The following ADGRL2 variants were observed in gnomAD, a reference collection of about 807,000 sequenced individuals.
ADGRL2 encodes the protein calcium-independent alpha-latrotoxin receptor 2.
ADGRL2 carries 44 observed loss-of-function variants against 157.4 expected under a neutral mutation model. That is an observed-to-expected ratio of 0.28 (90% CI 0.22 to 0.36). The LOEUF (loss-of-function observed/expected upper bound fraction) is 0.36. ADGRL2 is among the 10% of genes least tolerant of loss of function. The probability of loss-of-function intolerance (pLI) is 1.00; values close to 1 mark genes in which losing one functional copy is unlikely to be tolerated. For synonymous variants in ADGRL2, 585 were observed against 624.7 expected, an observed-to-expected ratio of 0.94 and a Z score of 0.95; for missense variants, 1,510 against 1,768.9, an observed-to-expected ratio of 0.85 and a Z score of 2.63.
At chr1:81,498,412 G>A (rs1447202291) in intron 2 of ADGRL2, among the ~76,000 whole-genome samples, 1 of 152,056 alleles carries the variant, frequency 6.6e-6, no homozygotes, top group Non-Finnish European at 1.5e-5. Flanking sequence ...CAAGAATCTG[G>A]CAAGCATTCA....
At chr1:81,530,874 G>A (rs1329489330) in intron 2 of ADGRL2, among the ~76,000 whole-genome samples, 1 of 151,940 alleles carries the variant, frequency 6.6e-6, no homozygotes, top group Non-Finnish European at 1.5e-5. Context: ...CACGAGGTCG[G>A]GAGTTCGAGA....
intron 1 of ADGRL2, among the ~76,000 whole-genome samples, chr1:81,330,379 G>A (rs1661190092): frequency 6.6e-6 from 1 of 152,054 alleles, no homozygotes; most frequent in African/African-American, 2.4e-5. Flanking sequence ...AGAAAAGCAA[G>A]GTCACACATT....
chr1:81,423,786 T>G (rs1359567761), intron 1 of ADGRL2, among the ~76,000 whole-genome samples: 1 of 152,158 alleles, frequency 6.6e-6, no homozygotes, highest in African/African-American at 2.4e-5. Flanking sequence ...TAAGATGAAT[T>G]TCATCACAGA....
At chr1:81,369,646 C>CT (rs2076127848) in intron 1 of ADGRL2, among the ~76,000 whole-genome samples, 1 of 152,098 alleles carries the variant, frequency 6.6e-6, no homozygotes, top group Middle Eastern at 3.4e-3. Flanking sequence ...GCCATGTATA[C>CT]TTTTTTCATG....
At chr1:81,820,579 A>C (rs754679576) in intron 1 of ADGRL2, among the ~76,000 whole-genome samples, 12 of 151,170 alleles carry the variant, frequency 7.9e-5, no homozygotes, top group Non-Finnish European at 1.5e-4. Flanking sequence ...TCTTTTTTTC[A>C]ATGCTGCTCA....
chr1:81,383,418 G>C (rs1254570115), intron 1 of ADGRL2, among the ~76,000 whole-genome samples: 2 of 152,036 alleles, frequency 1.3e-5, no homozygotes, highest in Non-Finnish European at 2.9e-5. Context: ...GGAATAGATA[G>C]AGAGAGAAAG....
intron 17 of ADGRL2, among the ~76,000 whole-genome samples, chr1:81,978,817 G>A (rs1162803989): frequency 6.6e-6 from 1 of 151,604 alleles, no homozygotes; most frequent in African/African-American, 2.4e-5. Context: ...TCTGCAACAA[G>A]GAATTAAATT....
chr1:81,532,995 C>G (rs1179062252), intron 2 of ADGRL2, among the ~76,000 whole-genome samples: 3 of 151,436 alleles, frequency 2.0e-5, no homozygotes, highest in Non-Finnish European at 4.4e-5. Flanking sequence ...ATCTATCTAT[C>G]CCAATGAATA....
At chr1:81,362,070 G>A (rs1046280122) in intron 1 of ADGRL2, among the ~76,000 whole-genome samples, 5 of 151,806 alleles carry the variant, frequency 3.3e-5, no homozygotes, top group African/African-American at 9.7e-5. Flanking sequence ...CTATATTAAG[G>A]CATCCCAAGG....
intron 3 of ADGRL2, among the ~76,000 whole-genome samples, chr1:81,688,678 G>A (rs1007220679): frequency 1.3e-5 from 2 of 152,038 alleles, no homozygotes; most frequent in South Asian, 4.1e-4. Context: ...AAGTAAATCA[G>A]GGATTTCTTC....
At chr1:81,924,178 G>C (rs546011731) in intron 3 of ADGRL2, among the ~76,000 whole-genome samples, 5 of 152,132 alleles carry the variant, frequency 3.3e-5, no homozygotes, top group South Asian at 2.1e-4. Flanking sequence ...ATATAACAGG[G>C]AGATCCTGTT....
At chr1:81,675,043 A>T (rs1362933328) in intron 3 of ADGRL2, among the ~76,000 whole-genome samples, 2 of 152,184 alleles carry the variant, frequency 1.3e-5, no homozygotes, top group Non-Finnish European at 2.9e-5. Flanking sequence ...GCAAACGAAT[A>T]CCTTCCCAAA....
intron 1 of ADGRL2, among the ~76,000 whole-genome samples, chr1:81,332,487 A>C (rs564121946): frequency 6.6e-6 from 1 of 152,206 alleles, no homozygotes; most frequent in Non-Finnish European, 1.5e-5. Flanking sequence ...GATTTATATT[A>C]ATCAAATTTA....
intron 2 of ADGRL2, among the ~76,000 whole-genome samples, chr1:81,491,800 A>G (rs2147954123): frequency 6.6e-6 from 1 of 152,340 alleles, no homozygotes; most frequent in East Asian, 1.9e-4. Flanking sequence ...CTCAATCAAG[A>G]GAACCCCAGA....
chr1:81,522,618 C>G lies in ADGRL2; in HGVS notation c.-247-58258C>G, dbSNP rs2079348569. ...AGTTATGTTCTATATGTGGTTTAAGCTATACTTTTTCTGTCTTTAATATGT... is the reference window on the plus strand; with the variant it reads ...AGTTATGTTCTATATGTGGTTTAAGGTATACTTTTTCTGTCTTTAATATGT... On this transcript the variant is annotated intron_variant, in intron 2 of 24. Coordinates refer to the ADGRL2 transcript ENST00000370721. Among the ~76,000 whole-genome samples, 3 of 152,170 alleles carry G rather than the reference C, an allele frequency of 2.0e-5. No homozygotes were observed. In the South Asian group the frequency reaches 6.2e-4, roughly 32 times the overall value.
intron 2 of ADGRL2, among the ~76,000 whole-genome samples, chr1:81,764,037 C>T (rs2086010796): frequency 7.5e-6 from 1 of 133,716 alleles, no homozygotes; most frequent in African/African-American, 2.8e-5. Flanking sequence ...CACAAAGAAA[C>T]AAAAATTAGC....
intron 1 of ADGRL2, among the ~76,000 whole-genome samples, chr1:81,374,578 G>GAAAAAAAAAAA (rs71242588): frequency 3.1e-4 from 41 of 130,210 alleles, no homozygotes; most frequent in Middle Eastern, 4.2e-3. Context: ...TCTCAAAAAA[G>GAAAAAAAAAAA]AAAAAAAAAA....
intron 2 of ADGRL2, among the ~76,000 whole-genome samples, chr1:81,569,374 A>G (rs145168493): frequency 3.9e-5 from 6 of 152,340 alleles, no homozygotes; most frequent in East Asian, 1.9e-4. Flanking sequence ...CTAGTTATCT[A>G]TTGCAGCATA....
At chr1:81,618,761 C>A (rs1329887906) in intron 3 of ADGRL2, among the ~76,000 whole-genome samples, 1 of 152,104 alleles carries the variant, frequency 6.6e-6, no homozygotes, top group Non-Finnish European at 1.5e-5. Context: ...AACTGTGACA[C>A]TTTATCTTAT....
Sources: allele counts gnomAD v4.1 joint callset (sites outside exome capture counted in the v4.1 genomes callset), GRCh38; gene constraint gnomAD v4.1.1; transcripts MANE v1.5; gene names NCBI Gene and HGNC (gene_info 2026-07-23, HGNC 2026-07-21).